TBCA: variants seen among roughly 807,000 people sequenced by gnomAD.
The protein encoded by TBCA is tubulin folding cofactor A.
Under a neutral mutation model 15.8 loss-of-function variants are expected in TBCA, and 6 were observed. The observed-to-expected ratio is 0.38, with a 90% CI of 0.21 to 0.75. TBCA has a LOEUF of 0.75. Ranked by LOEUF, TBCA falls within the 30% of genes least tolerant of loss-of-function variation. TBCA has a pLI of 0.46. For synonymous variants in TBCA, 32 were observed against 42.3 expected (o/e 0.76, Z 0.94); for missense variants, 90 against 131.2 (o/e 0.69, Z 1.53).
chr5:77,740,161 G>C (rs896490661), intron 1 of TBCA, among the ~76,000 whole-genome samples: 4 of 152,184 alleles, frequency 2.6e-5, no homozygotes, highest in South Asian at 2.1e-4. Context: ...ATTAAGTAAG[G>C]CTGGTTTGTT....
intron 1 of TBCA, among the ~76,000 whole-genome samples, chr5:77,722,363 G>T (rs1465497529): frequency 1.3e-5 from 2 of 152,012 alleles, no homozygotes; most frequent in South Asian, 2.1e-4. Context: ...TTCAAATGTG[G>T]TAACAACTGC....
chr5:77,751,159 CTTTTTTTT>C (rs10573352), intron 1 of TBCA, among the ~76,000 whole-genome samples: 2 of 81,936 alleles, frequency 2.4e-5, no homozygotes, highest in Non-Finnish European at 4.7e-5. Flanking sequence ...TTCTTTCTTT[CTTTTTTTT>C]TTTTTTTTTT....
intron 1 of TBCA, among the ~76,000 whole-genome samples, chr5:77,739,682 T>C (rs1211461214): frequency 6.6e-6 from 1 of 152,162 alleles, no homozygotes; most frequent in African/African-American, 2.4e-5. Flanking sequence ...GTGGACACAA[T>C]AATTTGTCCC....
At chr5:77,720,413 C>T (rs1017612306) in intron 1 of TBCA, among the ~76,000 whole-genome samples, 2 of 152,072 alleles carry the variant, frequency 1.3e-5, no homozygotes, top group African/African-American at 4.8e-5. Context: ...AGTTATTACA[C>T]TTCTAAAAAA....
At chr5:77,708,421 AAAAC>A in intron 1 of TBCA, 74 bp from the exon 2 acceptor site, 7 of 836,818 alleles carry the variant, frequency 8.4e-6, no homozygotes, top group South Asian at 1.7e-5. Flanking sequence ...GTGTAAATAT[AAAAC>A]ATATTATATT....
chr5:77,757,618 C>G lies in TBCA; in HGVS notation c.53+18587G>C, dbSNP rs1429265220. ...AGCCAATTGTCCTGTTGGTTTGAGC[C>G]ATAAAGATAGCCCAAGCTGGTACCA... On this transcript the variant is annotated intron_variant, in intron 1 of 3. Transcript: ENST00000380377. 2.0e-5 allele frequency among the ~76,000 whole-genome samples: 3 copies of G among 152,172 alleles called. No homozygotes were observed. The East Asian group carries it at 5.8e-4, about 29-fold the overall frequency.
rs1746374132 is a variant in TBCA at position 77,715,377 on chromosome 5, C to T, written c.54-7030G>A. On this transcript the variant is annotated intron_variant, in intron 1 of 3. Transcript: ENST00000380377. ...GCTATAGGCCTGAAAAACAATCAGT[C>T]TAAATGAGGATCTTAGTGTGAGCTC... 6 of 670,306 alleles carry T rather than the reference C, an allele frequency of 9.0e-6. No individual in the cohort carries two copies. In the South Asian group the frequency reaches 9.8e-5, roughly 11 times the overall value. 41.5% of individuals were successfully genotyped at this position (670,306 alleles called of 1,614,324 possible). A position where few individuals can be genotyped will look rare whatever the true frequency, so the allele number is the denominator to read the frequency against.
At position 77,700,399 on chromosome 5, in the gene TBCA, G is replaced by C. The variant is rs145727561; in HGVS notation, c.160-7047C>G. On this transcript the variant is annotated intron_variant, in intron 2 of 3. Coordinates refer to ENST00000380377, the MANE Select transcript of TBCA (RefSeq NM_004607.3). ...CATCCAATTAGTGGGCAAAAGGCCT[G>C]ATCACTCATTTTCACTGAAGAGGAT... Among the ~76,000 whole-genome samples the C allele has an allele frequency of 5.5e-3, 831 of 152,042 alleles. 2 individuals carry two copies. Among genetic ancestry groups the C allele is most frequent in the African/African-American group, 0.019 (776 of 41,482 alleles).
At chr5:77,764,210 A>G (rs930259329) in intron 1 of TBCA, among the ~76,000 whole-genome samples, 1 of 152,394 alleles carries the variant, frequency 6.6e-6, no homozygotes, top group Non-Finnish European at 1.5e-5. Context: ...AAAGGTAATA[A>G]TAAACACAAG....
intron 3 of TBCA, 107 bp from the exon 4 acceptor site, chr5:77,691,605 A>C: frequency 7.0e-7 from 1 of 1,430,164 alleles, no homozygotes; most frequent in Non-Finnish European, 9.1e-7. Flanking sequence ...AAAAATTAAA[A>C]GTAAAAAATC....
chr5:77,714,323 A>C (rs1317826398), intron 1 of TBCA, among the ~76,000 whole-genome samples: 1 of 152,074 alleles, frequency 6.6e-6, no homozygotes, highest in Non-Finnish European at 1.5e-5. Context: ...CCATCTCAAA[A>C]AAACAAACAA....
At chr5:77,716,155 T>C (rs1198174802) in intron 1 of TBCA, among the ~76,000 whole-genome samples, 3 of 152,130 alleles carry the variant, frequency 2.0e-5, no homozygotes, top group East Asian at 1.9e-4. Context: ...TCAATGAAAA[T>C]AGAAGTTAAT....
chr5:77,731,004 T>A (rs1459496351), intron 1 of TBCA, among the ~76,000 whole-genome samples: 1 of 152,194 alleles, frequency 6.6e-6, no homozygotes, highest in Non-Finnish European at 1.5e-5. Flanking sequence ...TAATAATAAC[T>A]GAGATGAACA....
chr5:77,715,291 A>G (rs766071302), intron 1 of TBCA: 2 of 702,284 alleles, frequency 2.8e-6, no homozygotes, highest in African/African-American at 3.5e-5. Context: ...CCATGAAACC[A>G]GGAAGTCCTT....
At chr5:77,708,106 T>C (rs1015954582) in intron 2 of TBCA, 136 bp downstream of exon 2, 1 of 599,030 alleles carries the variant, frequency 1.7e-6, no homozygotes, top group Non-Finnish European at 2.8e-6. Context: ...TGAGTTTCCT[T>C]ATCTTTAAAT....
chr5:77,711,090 T>C (rs1040397144), intron 1 of TBCA, among the ~76,000 whole-genome samples: 1 of 152,170 alleles, frequency 6.6e-6, no homozygotes, highest in Non-Finnish European at 1.5e-5. Context: ...TGTTTTTGTA[T>C]AGTCTCAGAG....
chr5:77,764,354 C>T (rs1430453396), intron 1 of TBCA, among the ~76,000 whole-genome samples: 5 of 152,110 alleles, frequency 3.3e-5, no homozygotes, highest in Non-Finnish European at 1.5e-5. Flanking sequence ...TACAGGCATA[C>T]AGCAAACAAA....
At chr5:77,691,549 C>T (rs1159904991) in intron 3 of TBCA, 51 bp from the exon 4 acceptor site, 3 of 1,496,834 alleles carry the variant, frequency 2.0e-6, no homozygotes, top group Non-Finnish European at 1.8e-6. Flanking sequence ...AGTTTCAGTA[C>T]TTTGTTATTT....
intron 1 of TBCA, among the ~76,000 whole-genome samples, chr5:77,750,903 G>T (rs1306447958): frequency 6.6e-6 from 1 of 152,178 alleles, no homozygotes; most frequent in South Asian, 2.1e-4. Context: ...CCAGGTCATC[G>T]GTAGATTTAA....
Sources: gnomAD v4.1 joint callset for allele counts (sites outside exome capture counted in the v4.1 genomes callset) on GRCh38, gnomAD v4.1.1 for gene constraint, MANE v1.5 for transcripts, NCBI Gene and HGNC (gene_info 2026-07-23, HGNC 2026-07-21) for gene names.